The following PGAP1 variants were observed in gnomAD, a reference collection of about 807,000 sequenced individuals.
PGAP1 encodes the protein GPI inositol-deacylase.
Under a neutral mutation model 127.0 loss-of-function variants are expected in PGAP1, and 76 were observed. The observed-to-expected ratio is 0.60, with a 90% CI of 0.50 to 0.72. The LOEUF is 0.72. Among genes scored for constraint, PGAP1 ranks in the 30% least tolerant of loss-of-function variants. PGAP1 has a pLI of 0.00. For synonymous variants in PGAP1, 362 were observed against 366.5 expected, an observed-to-expected ratio of 0.99 and a Z score of 0.14; for missense variants, 982 against 1,071.3, an observed-to-expected ratio of 0.92 and a Z score of 1.16.
chr2:196,883,185 G>C (rs1301949661), intron 12 of PGAP1, among the ~76,000 whole-genome samples: 1 of 152,132 alleles, frequency 6.6e-6, no homozygotes, highest in Non-Finnish European at 1.5e-5. Context: ...GTTTTGTTCT[G>C]GAAGTATGTG....
chr2:196,888,338 A>G (rs904569003), intron 10 of PGAP1, among the ~76,000 whole-genome samples: 1 of 152,210 alleles, frequency 6.6e-6, no homozygotes, highest in African/African-American at 2.4e-5. Flanking sequence ...TCATGCTGTC[A>G]CCACTGAGCC....
chr2:196,871,345 A>G lies in PGAP1; in HGVS notation c.1729-366T>C, dbSNP rs543893276. ...AAGAAATTCATCCTTAATTATCTCT[A>G]CCATAAATACAACTTTTTGATAATT... On this transcript the variant is annotated intron_variant, in intron 18 of 26. Transcript: ENST00000354764. Among the ~76,000 whole-genome samples the G allele has an allele frequency of 2.6e-5, 4 of 152,288 alleles. No individual in the cohort carries two copies. In the East Asian group the frequency reaches 5.8e-4, roughly 22 times the overall value.
Position 196,926,480 on chromosome 2 carries a change from G to C in PGAP1, c.137C>G (p.Pro46Arg), listed in dbSNP as rs1482212033. Reference sequence around the variant, plus strand: ...AGGGCAGAACCTTACCTGATACTCCGGGTACTCAAACATGTAGCTCATACT... The same window carrying C: ...AGGGCAGAACCTTACCTGATACTCCCGGTACTCAAACATGTAGCTCATACT... The part of the protein sequence containing the change: ...KCSMSYMFEY[P>R]EYQKIELPKK... Residue 46 changes from proline to arginine, a missense_variant, in exon 1 of 27, where the codon CCG becomes CGG. Pro to Arg is a moderately radical substitution (Grantham distance 103, BLOSUM62 -2). Coordinates refer to ENST00000354764, the MANE Select transcript of PGAP1 (RefSeq NM_024989.4). 1 of 1,614,088 alleles carries C rather than the reference G, an allele frequency of 6.2e-7. No individual in the cohort carries two copies. The highest frequency in any genetic ancestry group is 1.1e-5 in the South Asian group (1 of 91,074).
chr2:196,925,743 G>T (rs1703337788), intron 1 of PGAP1, among the ~76,000 whole-genome samples: 1 of 152,116 alleles, frequency 6.6e-6, no homozygotes, highest in Non-Finnish European at 1.5e-5. Context: ...CTATTAAGAG[G>T]CTCGGCTGCT....
At chr2:196,914,354 C>T (rs1197968472) in intron 3 of PGAP1, among the ~76,000 whole-genome samples, 1 of 152,176 alleles carries the variant, frequency 6.6e-6, no homozygotes. Flanking sequence ...GGTCCGGTGG[C>T]TCACACCTGT....
intron 2 of PGAP1, among the ~76,000 whole-genome samples, chr2:196,918,351 C>T (rs1703080682): frequency 6.6e-6 from 1 of 152,120 alleles, no homozygotes; most frequent in South Asian, 2.1e-4. Flanking sequence ...ATCTAGCTTA[C>T]AGAAGCACAG....
chr2:196,902,315 G>A (rs1702522534), intron 5 of PGAP1, among the ~76,000 whole-genome samples: 1 of 152,268 alleles, frequency 6.6e-6, no homozygotes, highest in East Asian at 1.9e-4. Flanking sequence ...TAGAATTATA[G>A]GCATAAGCCA....
Position 196,847,007 on chromosome 2 carries a change from T to G in PGAP1, c.2146A>C (p.Lys716Gln). The change falls in exon 22 of 27, where the codon AAA becomes CAA. Residue 716 changes from lysine to glutamine, a missense_variant. Coordinates refer to ENST00000354764, the MANE Select transcript of PGAP1 (RefSeq NM_024989.4). Reference sequence around the variant, plus strand: ...TGTTAATCATTCATTCTTTACCTTTTCAAAGCTAGCCACAATGAAGAAAGA... The same window carrying G: ...TGTTAATCATTCATTCTTTACCTTTGCAAAGCTAGCCACAATGAAGAAAGA... ...RLLSSLWLAL[K>Q]RPSELPKDIK... 6.2e-7 allele frequency: 1 copy of G among 1,612,040 alleles called. No homozygotes were observed. Among genetic ancestry groups the G allele is most frequent in the Non-Finnish European group, 8.5e-7 (1 of 1,178,752 alleles).
intron 1 of PGAP1, chr2:196,922,141 C>G: frequency 3.1e-6 from 4 of 1,292,438 alleles, no homozygotes; most frequent in Non-Finnish European, 4.1e-6. Context: ...CCTGCCTCTG[C>G]TGTCCTCCTT....
intron 14 of PGAP1, among the ~76,000 whole-genome samples, chr2:196,874,550 A>G (rs757566305): frequency 3.3e-5 from 5 of 152,210 alleles, no homozygotes; most frequent in Non-Finnish European, 7.3e-5. Flanking sequence ...GGAAAAAGCA[A>G]TAACATTATA....
At position 196,836,357 on chromosome 2, in the gene PGAP1, C is replaced by T. The variant is rs1291798002; in HGVS notation, c.*4877G>A. The T allele has an allele frequency of 6.6e-6, 1 of 152,530 alleles. No individual in the cohort carries two copies. The highest frequency in any genetic ancestry group is 1.5e-5 in the Non-Finnish European group (1 of 67,970). The allele number at this position is 152,530 out of a possible 1,614,324, so 9.4% of individuals were successfully genotyped here. A position where few individuals can be genotyped will look rare whatever the true frequency, so the allele number is the denominator to read the frequency against. ...TTTTGAAGGACATGTTATGAATTTA[C>T]ACTGTTAATGGAAAAACAGCTTGAT... On this transcript the variant is annotated 3_prime_UTR_variant, in exon 27 of 27. Transcript: ENST00000354764.
chr2:196,836,562 A>T lies in PGAP1; in HGVS notation c.*4672T>A, dbSNP rs984760820. Reference sequence around the variant, plus strand: ...CTGACTTTTCTTTCCTATTATTCTTATTAAAAGTAAAGAATGGTAGTAGCT... The same window carrying T: ...CTGACTTTTCTTTCCTATTATTCTTTTTAAAAGTAAAGAATGGTAGTAGCT... On this transcript the variant is annotated 3_prime_UTR_variant, in exon 27 of 27. Coordinates refer to ENST00000354764, the MANE Select transcript of PGAP1 (RefSeq NM_024989.4). The T allele has an allele frequency of 6.6e-6, 1 of 152,170 alleles. No individual in the cohort carries two copies. The highest frequency in any genetic ancestry group is 2.4e-5 in the African/African-American group (1 of 41,454). 9.4% of individuals were successfully genotyped at this position (152,170 alleles called of 1,614,324 possible).
intron 7 of PGAP1, among the ~76,000 whole-genome samples, chr2:196,893,843 A>G (rs1702180543): frequency 6.6e-6 from 1 of 152,236 alleles, no homozygotes; most frequent in African/African-American, 2.4e-5. Context: ...TCATCCCTTT[A>G]AAAAAGTGTA....
intron 4 of PGAP1, among the ~76,000 whole-genome samples, chr2:196,911,470 G>A: frequency 1.2e-5 from 1 of 85,950 alleles, no homozygotes; most frequent in Middle Eastern, 4.3e-3. Context: ...GTCGGGGGAG[G>A]GGGGAGGGAT....
chr2:196,848,214 T>C (rs1170012646), intron 20 of PGAP1, among the ~76,000 whole-genome samples, 177 bp from the exon 21 acceptor site: 1 of 152,006 alleles, frequency 6.6e-6, no homozygotes, highest in East Asian at 1.9e-4. Flanking sequence ...GGTTCTTATA[T>C]TAGAGTACAC....
At position 196,876,091 on chromosome 2, in the gene PGAP1, A is replaced by C. The variant is rs151176634; in HGVS notation, c.1351-270T>G. 1.1e-3 allele frequency among the ~76,000 whole-genome samples: 164 copies of C among 152,236 alleles called. No individual in the cohort carries two copies. In the East Asian group the frequency reaches 0.019, roughly 18 times the overall value. On this transcript the variant is annotated intron_variant, in intron 13 of 26. Transcript: ENST00000354764. ...ACAACAGATTCATAGCAGTTTTTTT[A>C]TAGTTAGCTTTAGGTGTTTGCATAA... is the stretch of plus-strand genomic sequence containing the variant.
At position 196,846,993 on chromosome 2, in the gene PGAP1, C is replaced by CT. The variant is rs767941628; in HGVS notation, c.2150+9_2150+10insA. The CT allele has an allele frequency of 3.3e-5, 53 of 1,598,568 alleles. No homozygotes were observed. In the African/African-American group the frequency reaches 5.8e-4, roughly 17 times the overall value. ...AGCAATAAGAAAGCTGTTAATCATTCATTCTTTACCTTTTCAAAGCTAGCC... is the reference window on the plus strand; with the variant it reads ...AGCAATAAGAAAGCTGTTAATCATTCTATTCTTTACCTTTTCAAAGCTAGCC... On this transcript the variant is annotated intron_variant, in intron 22 of 26. Transcript: ENST00000354764.
At chr2:196,925,349 T>C (rs1703327106) in intron 1 of PGAP1, among the ~76,000 whole-genome samples, 1 of 151,950 alleles carries the variant, frequency 6.6e-6, no homozygotes, top group African/African-American at 2.4e-5. Context: ...AGGACTTGCA[T>C]CCTTCACCCT....
At chr2:196,866,161 C>T (rs1030037817) in intron 19 of PGAP1, among the ~76,000 whole-genome samples, 1 of 152,092 alleles carries the variant, frequency 6.6e-6, no homozygotes, top group Admixed American at 6.5e-5. Context: ...CCAGCATAGC[C>T]AAGACAATCC....
Sources: allele counts gnomAD v4.1 joint callset (sites outside exome capture counted in the v4.1 genomes callset), GRCh38; gene constraint gnomAD v4.1.1; transcripts MANE v1.5; gene names NCBI Gene and HGNC (gene_info 2026-07-23, HGNC 2026-07-21).